Variants in TAFA2 observed in about 807,000 individuals in gnomAD.
TAFA2 encodes the protein chemokine-like protein TAFA-2.
A neutral mutation model predicts 18.8 loss-of-function variants in TAFA2; 7 were observed. The ratio of observed to expected loss-of-function variants is 0.37; its 90% CI spans 0.21 to 0.70. TAFA2 has a LOEUF of 0.70. TAFA2 is among the 30% of genes least tolerant of loss of function. The probability of loss-of-function intolerance (pLI) is 0.53; values close to 1 mark genes in which losing one functional copy is unlikely to be tolerated. For missense variants in TAFA2, 122 were observed against 158.1 expected (o/e 0.77, Z 1.23); for synonymous variants, 60 against 54.2 (o/e 1.11, Z -0.47).
Position 61,739,215 on chromosome 12 carries a change from C to A in TAFA2, c.384+14407G>T, listed in dbSNP as rs113114308. Among the ~76,000 whole-genome samples the A allele has an allele frequency of 2.9e-3, 436 of 152,134 alleles. 3 individuals are homozygous for A. Among genetic ancestry groups the A allele is most frequent in the Non-Finnish European group, 4.9e-3 (331 of 67,990 alleles). ...TGAACTCAAGTAATGATTCCAGAGA[C>A]TGGGTTCTTAATCATTATGCCATCC... On this transcript the variant is annotated intron_variant, in intron 4 of 4. Coordinates refer to ENST00000416284, the MANE Select transcript of TAFA2 (RefSeq NM_178539.5).
intron 1 of TAFA2, among the ~76,000 whole-genome samples, chr12:61,929,653 G>T (rs1376337661): frequency 6.6e-6 from 1 of 151,376 alleles, no homozygotes; most frequent in African/African-American, 2.4e-5. Context: ...TCCCATTACC[G>T]GGTATATACC....
chr12:62,250,658 T>C (rs1035540049), intron 1 of TAFA2, among the ~76,000 whole-genome samples: 2 of 152,160 alleles, frequency 1.3e-5, no homozygotes, highest in African/African-American at 4.8e-5. Flanking sequence ...ATTAAACATG[T>C]TGGGTTTTGG....
chr12:61,758,574 A>G (rs554824665), intron 2 of TAFA2, among the ~76,000 whole-genome samples: 2 of 152,128 alleles, frequency 1.3e-5, no homozygotes, highest in South Asian at 4.1e-4. Context: ...ACCTGATTTC[A>G]TCTATTTTTC....
At chr12:61,826,251 G>A (rs978491669) in intron 2 of TAFA2, among the ~76,000 whole-genome samples, 6 of 151,832 alleles carry the variant, frequency 4.0e-5, no homozygotes, top group Admixed American at 6.6e-5. Flanking sequence ...CACACAACCT[G>A]ACAGTACTAC....
intron 2 of TAFA2, among the ~76,000 whole-genome samples, chr12:61,796,524 T>C (rs1211290394): frequency 6.6e-6 from 1 of 152,012 alleles, no homozygotes; most frequent in Non-Finnish European, 1.5e-5. Context: ...TGGTTGCCCG[T>C]GAATTGGGAA....
intron 1 of TAFA2, among the ~76,000 whole-genome samples, chr12:62,007,070 T>C (rs1426380977): frequency 3.3e-5 from 5 of 152,214 alleles, no homozygotes; most frequent in African/African-American, 1.2e-4. Flanking sequence ...CTGTGTGATC[T>C]GTCACCTGGC....
intron 1 of TAFA2, among the ~76,000 whole-genome samples, chr12:62,249,351 A>C (rs987608819): frequency 6.6e-6 from 1 of 151,378 alleles, no homozygotes; most frequent in Admixed American, 6.6e-5. Context: ...CTAGAATCTG[A>C]TTTCCAGGCT....
intron 2 of TAFA2, among the ~76,000 whole-genome samples, chr12:61,839,944 A>G (rs1225304519): frequency 6.6e-6 from 1 of 152,220 alleles, no homozygotes; most frequent in East Asian, 1.9e-4. Flanking sequence ...AGCCAGGCAA[A>G]GTTGACATAG....
At chr12:62,012,344 C>G (rs1246936897) in intron 1 of TAFA2, among the ~76,000 whole-genome samples, 1 of 151,074 alleles carries the variant, frequency 6.6e-6, no homozygotes, top group Non-Finnish European at 1.5e-5. Flanking sequence ...TTCTATTTTC[C>G]TTTAGGTGAT....
intron 4 of TAFA2, among the ~76,000 whole-genome samples, chr12:61,736,987 G>C (rs1429608464): frequency 6.6e-6 from 1 of 151,948 alleles, no homozygotes; most frequent in African/African-American, 2.4e-5. Flanking sequence ...CCATCATAAA[G>C]ATGAGACATA....
chr12:62,123,207 T>C (rs1394776206), intron 1 of TAFA2, among the ~76,000 whole-genome samples: 1 of 152,164 alleles, frequency 6.6e-6, no homozygotes. Flanking sequence ...GCATACTCTC[T>C]CTCTATGCCC....
intron 2 of TAFA2, among the ~76,000 whole-genome samples, chr12:61,845,807 T>A (rs750710777): frequency 6.6e-6 from 1 of 152,122 alleles, no homozygotes; most frequent in Non-Finnish European, 1.5e-5. Flanking sequence ...AACACTCATA[T>A]AAATGATCCA....
chr12:61,720,260 G>T (rs1409278630), intron 4 of TAFA2, among the ~76,000 whole-genome samples: 1 of 152,054 alleles, frequency 6.6e-6, no homozygotes, highest in Non-Finnish European at 1.5e-5. Context: ...GCCTTTATTT[G>T]GTTTATGGAG....
At chr12:61,738,518 G>A (rs1017916052) in intron 4 of TAFA2, among the ~76,000 whole-genome samples, 2 of 152,038 alleles carry the variant, frequency 1.3e-5, no homozygotes, top group Non-Finnish European at 2.9e-5. Flanking sequence ...TCACCTGGTA[G>A]GCCTGATAAG....
chr12:62,243,814 T>A (rs1267455563), intron 1 of TAFA2, among the ~76,000 whole-genome samples: 1 of 152,198 alleles, frequency 6.6e-6, no homozygotes, highest in Non-Finnish European at 1.5e-5. Flanking sequence ...AGGGTCTTGC[T>A]CTATCACCCA....
chr12:61,861,906 T>C (rs1874146028), intron 2 of TAFA2, among the ~76,000 whole-genome samples: 1 of 152,236 alleles, frequency 6.6e-6, no homozygotes, highest in Non-Finnish European at 1.5e-5. Flanking sequence ...GACCAGTAAT[T>C]AGCTTGTATT....
chr12:61,862,511 C>T (rs539155627), intron 2 of TAFA2, among the ~76,000 whole-genome samples: 5 of 152,174 alleles, frequency 3.3e-5, no homozygotes, highest in East Asian at 1.9e-4. Context: ...GTTCAGAAAA[C>T]GGAGTAATAC....
chr12:61,783,891 T>C (rs1007129494), intron 2 of TAFA2, among the ~76,000 whole-genome samples: 4 of 151,540 alleles, frequency 2.6e-5, no homozygotes, highest in Non-Finnish European at 5.9e-5. Flanking sequence ...TTTCAAGGCT[T>C]TTACTAATAG....
At chr12:61,840,675 A>C (rs1307714861) in intron 2 of TAFA2, among the ~76,000 whole-genome samples, 1 of 152,086 alleles carries the variant, frequency 6.6e-6, no homozygotes, top group African/African-American at 2.4e-5. Context: ...AAAGACCTCC[A>C]GTTAAATCAA....
Sources: allele counts gnomAD v4.1 joint callset (sites outside exome capture counted in the v4.1 genomes callset), GRCh38; gene constraint gnomAD v4.1.1; transcripts MANE v1.5; gene names NCBI Gene and HGNC (gene_info 2026-07-23, HGNC 2026-07-21).